Variants in LAMA2 observed in about 807,000 individuals in gnomAD.
LAMA2 encodes the protein laminin subunit alpha-2.
Under a neutral mutation model 364.8 loss-of-function variants are expected in LAMA2, and 269 were observed. The observed-to-expected ratio is 0.74, with a 90% CI of 0.67 to 0.82. LAMA2 has a LOEUF of 0.82. Among genes scored for constraint, LAMA2 ranks in the 40% least tolerant of loss-of-function variants. LAMA2 has a pLI of 0.00. For missense variants in LAMA2, 3,807 were observed against 3,873.2 expected (o/e 0.98, Z 0.45); for synonymous variants, 1,379 against 1,370.6 (o/e 1.01, Z -0.14).
chr6:129,324,047 T>A (rs1775124147), intron 28 of LAMA2, among the ~76,000 whole-genome samples: 2 of 152,216 alleles, frequency 1.3e-5, no homozygotes, highest in African/African-American at 4.8e-5. Context: ...TATGCACACA[T>A]CTATCCTTTA....
At chr6:128,907,730 C>T (rs944772306) in intron 1 of LAMA2, among the ~76,000 whole-genome samples, 1,586 of 152,210 alleles carry the variant, frequency 0.01, 28 homozygotes, top group African/African-American at 0.036. Context: ...AAAGGGAATG[C>T]TTCCAGTTTT....
chr6:128,918,184 T>C (rs777393530), intron 1 of LAMA2, among the ~76,000 whole-genome samples: 7 of 152,212 alleles, frequency 4.6e-5, no homozygotes, highest in Non-Finnish European at 1.0e-4. Context: ...AATATAATTA[T>C]TCTTCTTCCC....
At chr6:129,442,460 A>G (rs1311893090) in intron 43 of LAMA2, among the ~76,000 whole-genome samples, 1 of 152,218 alleles carries the variant, frequency 6.6e-6, no homozygotes, top group Non-Finnish European at 1.5e-5. Flanking sequence ...CTAAAAATGA[A>G]TGAAAACAAA....
At chr6:129,357,030 T>C (rs901520183) in intron 32 of LAMA2, among the ~76,000 whole-genome samples, 3 of 152,116 alleles carry the variant, frequency 2.0e-5, no homozygotes, top group African/African-American at 7.2e-5. Flanking sequence ...AGAGATATTT[T>C]ATTAATTTCC....
chr6:129,148,240 A>T (rs1375738312), intron 6 of LAMA2, among the ~76,000 whole-genome samples: 23 of 152,120 alleles, frequency 1.5e-4, no homozygotes, highest in Admixed American at 1.5e-3. Context: ...GTCCTCAGGA[A>T]ACTAACACAG....
intron 3 of LAMA2, among the ~76,000 whole-genome samples, chr6:129,094,126 A>G (rs1583030605): frequency 6.6e-6 from 1 of 152,220 alleles, no homozygotes; most frequent in South Asian, 2.1e-4. Flanking sequence ...TACTTAGAAA[A>G]TCACTGTTAA....
chr6:128,894,622 C>T (rs561001135), intron 1 of LAMA2, among the ~76,000 whole-genome samples: 2 of 152,188 alleles, frequency 1.3e-5, no homozygotes, highest in Non-Finnish European at 2.9e-5. Flanking sequence ...TCAAATCAAC[C>T]ATCATGCTTC....
intron 9 of LAMA2, among the ~76,000 whole-genome samples, chr6:129,172,776 T>C (rs1157496334): frequency 2.6e-5 from 4 of 152,242 alleles, no homozygotes; most frequent in African/African-American, 9.6e-5. Flanking sequence ...CCAGCCTCGC[T>C]GCTGCCTTGC....
intron 12 of LAMA2, among the ~76,000 whole-genome samples, chr6:129,217,773 G>A (rs1783519661): frequency 6.6e-6 from 1 of 152,058 alleles, no homozygotes; most frequent in Non-Finnish European, 1.5e-5. Context: ...GGAACCCCAG[G>A]ATATAATCTA....
chr6:129,112,163 G>A (rs1776196038), intron 4 of LAMA2, among the ~76,000 whole-genome samples: 1 of 151,832 alleles, frequency 6.6e-6, no homozygotes, highest in Admixed American at 6.6e-5. Flanking sequence ...TACCTTTATT[G>A]CAAGACTTTT....
At chr6:129,509,712 T>C (rs1481351775) in intron 62 of LAMA2, among the ~76,000 whole-genome samples, 1 of 152,210 alleles carries the variant, frequency 6.6e-6, no homozygotes, top group Non-Finnish European at 1.5e-5. Context: ...CACTGGTCTA[T>C]GTGCCTATTT....
chr6:129,227,551 G>A (rs1387388511), intron 12 of LAMA2, among the ~76,000 whole-genome samples: 1 of 152,182 alleles, frequency 6.6e-6, no homozygotes, highest in East Asian at 1.9e-4. Context: ...CTTACAGTCA[G>A]GACCCTCAGC....
At chr6:129,486,373 G>A in intron 55 of LAMA2, 101 bp from the exon 56 acceptor site, 1 of 1,099,922 alleles carries the variant, frequency 9.1e-7, no homozygotes, top group Non-Finnish European at 1.4e-6. Flanking sequence ...TCTCAGGTAA[G>A]ATCTCAGAGC....
chr6:128,978,356 T>TA (rs1025971755), intron 1 of LAMA2, among the ~76,000 whole-genome samples: 11 of 151,546 alleles, frequency 7.3e-5, no homozygotes, highest in African/African-American at 2.7e-4. Flanking sequence ...TTTCTTTTTT[T>TA]TTTTTTTTTT....
intron 38 of LAMA2, 75 bp downstream of exon 38, chr6:129,401,415 A>G (rs905808116): frequency 5.7e-6 from 5 of 880,582 alleles, no homozygotes; most frequent in Non-Finnish European, 9.7e-6. Context: ...CAGTAATAGA[A>G]GCAAATACTA....
chr6:129,504,883 T>C (rs1583918303), intron 60 of LAMA2, among the ~76,000 whole-genome samples: 1 of 152,214 alleles, frequency 6.6e-6, no homozygotes, highest in East Asian at 1.9e-4. Context: ...GTGCTATTAG[T>C]CTGCAGGGTT....
chr6:129,317,850 C>CT (rs1019972965), intron 27 of LAMA2, among the ~76,000 whole-genome samples: 4 of 151,264 alleles, frequency 2.6e-5, no homozygotes, highest in Admixed American at 6.6e-5. Flanking sequence ...ATTATACTTT[C>CT]TTTGCTTCTC....
chr6:129,361,344 A>G (rs1777446663), intron 32 of LAMA2, among the ~76,000 whole-genome samples: 1 of 152,256 alleles, frequency 6.6e-6, no homozygotes, highest in Non-Finnish European at 1.5e-5. Context: ...AAAGTCTCTG[A>G]TCTGAATCAC....
chr6:129,258,855 A>G (rs990270139), intron 14 of LAMA2, among the ~76,000 whole-genome samples: 4 of 152,202 alleles, frequency 2.6e-5, no homozygotes, highest in African/African-American at 7.2e-5. Flanking sequence ...CAAATGACAC[A>G]TGTAACCTAA....
Sources: allele counts gnomAD v4.1 joint callset (sites outside exome capture counted in the v4.1 genomes callset), GRCh38; gene constraint gnomAD v4.1.1; transcripts MANE v1.5; gene names NCBI Gene and HGNC (gene_info 2026-07-23, HGNC 2026-07-21).